The following RASGRF1 variants were observed in gnomAD, a reference collection of about 807,000 sequenced individuals.
RASGRF1 encodes the protein Ras protein specific guanine nucleotide releasing factor 1.
RASGRF1 carries 40 observed loss-of-function variants against 138.7 expected under a neutral mutation model. The ratio of observed to expected loss-of-function variants is 0.29; its 90% CI spans 0.22 to 0.38. The LOEUF is 0.38. RASGRF1 is among the 10% of genes least tolerant of loss of function. The probability of loss-of-function intolerance (pLI) is 1.00; values close to 1 mark genes in which losing one functional copy is unlikely to be tolerated. For missense variants in RASGRF1, 1,108 were observed against 1,650.4 expected, an observed-to-expected ratio of 0.67 and a Z score of 5.69; for synonymous variants, 614 against 663.2, an observed-to-expected ratio of 0.93 and a Z score of 1.14.
intron 3 of RASGRF1, among the ~76,000 whole-genome samples, chr15:79,055,298 T>C (rs1327713334): frequency 6.6e-6 from 1 of 152,104 alleles, no homozygotes; most frequent in Non-Finnish European, 1.5e-5. Context: ...TCTGTTTCCA[T>C]TCTCCTAGAG....
chr15:79,021,056 C>A (rs1161589820), intron 10 of RASGRF1, among the ~76,000 whole-genome samples: 3 of 152,132 alleles, frequency 2.0e-5, no homozygotes, highest in African/African-American at 7.2e-5. Flanking sequence ...GGAGGCATAT[C>A]ATCTTGGAAA....
intron 22 of RASGRF1, among the ~76,000 whole-genome samples, chr15:78,987,499 C>T (rs1327363243): frequency 6.6e-6 from 1 of 152,022 alleles, no homozygotes; most frequent in Non-Finnish European, 1.5e-5. Flanking sequence ...AGTTTGAGAC[C>T]AGCCTGGGCA....
rs139727235 is a variant in RASGRF1, at chr15:79,070,935, C to T, written c.277-6409G>A. 7.2e-5 allele frequency among the ~76,000 whole-genome samples: 11 copies of T among 152,232 alleles called. No homozygotes were observed. In the East Asian group the frequency reaches 1.4e-3, roughly 19 times the overall value. ...TGTTGAGGATCTGAATTGCCCATCT[C>T]GTGGGTGACTGGTGGCTGCATAGGA... On this transcript the variant is annotated intron_variant, in intron 1 of 26. Coordinates refer to ENST00000558480, the MANE Select transcript of RASGRF1 (RefSeq NM_001145648.3).
rs186247832 is a variant in RASGRF1 at position 79,081,789 on chromosome 15, C to A, written c.276+8434G>T. Among the ~76,000 whole-genome samples the A allele has an allele frequency of 2.8e-4, 43 of 152,322 alleles. No individual in the cohort carries two copies. In the East Asian group the frequency reaches 7.7e-3, roughly 27 times the overall value. On this transcript the variant is annotated intron_variant, in intron 1 of 26. Coordinates refer to ENST00000558480, the MANE Select transcript of RASGRF1 (RefSeq NM_001145648.3). ...CCTCCCAGTGCCAGGGAGGCATAGG[C>A]CTGGCCCCTCAGAGGTACTGGTAAA...
intron 4 of RASGRF1, among the ~76,000 whole-genome samples, chr15:79,049,110 T>C (rs1302532879): frequency 6.6e-6 from 1 of 151,728 alleles, no homozygotes; most frequent in Non-Finnish European, 1.5e-5. Context: ...TACATGGCAG[T>C]GGGGGTGGCA....
chr15:78,998,652 G>T, intron 18 of RASGRF1, 67 bp downstream of exon 18: 1 of 1,364,412 alleles, frequency 7.3e-7, no homozygotes, highest in Non-Finnish European at 1.0e-6. Context: ...CTTTTGGAAG[G>T]CAGCTGGTTC....
At chr15:79,031,941 G>A (rs1009942590) in intron 7 of RASGRF1, among the ~76,000 whole-genome samples, 182 bp downstream of exon 7, 20 of 152,062 alleles carry the variant, frequency 1.3e-4, no homozygotes, top group African/African-American at 4.8e-4. Context: ...AGGTGGCGTG[G>A]ACAGGCCCAC....
chr15:79,034,487 C>T (rs887995789), intron 6 of RASGRF1, among the ~76,000 whole-genome samples: 1 of 152,166 alleles, frequency 6.6e-6, no homozygotes, highest in African/African-American at 2.4e-5. Flanking sequence ...AGGAAATGAT[C>T]TCTAATATGG....
At chr15:79,014,825 G>A (rs1474545367) in intron 13 of RASGRF1, among the ~76,000 whole-genome samples, 1 of 151,882 alleles carries the variant, frequency 6.6e-6, no homozygotes, top group African/African-American at 2.4e-5. Flanking sequence ...GCTGAGGCAG[G>A]AGAATTATTT....
At chr15:79,035,066 A>G (rs1320365422) in intron 6 of RASGRF1, 65 bp downstream of exon 6, 19 of 1,412,108 alleles carry the variant, frequency 1.3e-5, no homozygotes, top group Non-Finnish European at 1.7e-5. Context: ...AAACTGCCCC[A>G]GGCTTTTGGG....
intron 1 of RASGRF1, among the ~76,000 whole-genome samples, chr15:79,080,563 T>G (rs1053852865): frequency 3.3e-5 from 5 of 152,246 alleles, no homozygotes; most frequent in African/African-American, 1.2e-4. Context: ...TCTCTAAATT[T>G]CTACATGGAG....
chr15:79,090,076 C>A (rs1162211657), intron 1 of RASGRF1, 147 bp downstream of exon 1: 2 of 1,198,368 alleles, frequency 1.7e-6, no homozygotes, highest in South Asian at 3.3e-5. Context: ...TGGGAGCAAG[C>A]CTCCCCTCTC....
At chr15:79,009,872 C>T (rs575636661) in intron 13 of RASGRF1, among the ~76,000 whole-genome samples, 1 of 149,704 alleles carries the variant, frequency 6.7e-6, no homozygotes, top group African/African-American at 2.5e-5. Flanking sequence ...TTACAGGTGC[C>T]CACCACCACA....
intron 1 of RASGRF1, among the ~76,000 whole-genome samples, chr15:79,086,180 A>G (rs142052713): frequency 6.6e-6 from 1 of 152,252 alleles, no homozygotes; most frequent in East Asian, 1.9e-4. Flanking sequence ...CGTTGTTGGC[A>G]CCATATGTAT....
At chr15:79,048,569 C>T (rs1006336944) in intron 4 of RASGRF1, among the ~76,000 whole-genome samples, 2 of 152,146 alleles carry the variant, frequency 1.3e-5, no homozygotes, top group Non-Finnish European at 2.9e-5. Context: ...TAATGTCTGG[C>T]ACATAAAAAG....
intron 9 of RASGRF1, among the ~76,000 whole-genome samples, chr15:79,026,259 T>C (rs892468756): frequency 6.6e-6 from 1 of 152,244 alleles, no homozygotes; most frequent in Non-Finnish European, 1.5e-5. Flanking sequence ...ATTGTCCCCT[T>C]CTTCTGCCTC....
At chr15:79,023,065 T>C (rs1192335967) in intron 10 of RASGRF1, among the ~76,000 whole-genome samples, 1 of 151,964 alleles carries the variant, frequency 6.6e-6, no homozygotes, top group Non-Finnish European at 1.5e-5. Context: ...TCCCAGCTAC[T>C]TGGGAGGCTG....
At chr15:78,990,462 G>T (rs567769491) in intron 21 of RASGRF1, among the ~76,000 whole-genome samples, 189 bp from the exon 22 acceptor site, 3 of 152,314 alleles carry the variant, frequency 2.0e-5, no homozygotes, top group African/African-American at 7.2e-5. Flanking sequence ...CAGCTGTGTG[G>T]CCCCAGACAA....
intron 26 of RASGRF1, among the ~76,000 whole-genome samples, chr15:78,968,250 A>ATGTGTGTGTGTGTGTGTGTGTGTGTG (rs10529968): frequency 1.1e-4 from 15 of 134,220 alleles, no homozygotes; most frequent in Admixed American, 3.0e-4. Flanking sequence ...CATGACACTG[A>ATGTGTGTGTGTGTGTGTGTGTGTGTG]TGTGTGTGTG....
Sources: allele counts gnomAD v4.1 joint callset (sites outside exome capture counted in the v4.1 genomes callset), GRCh38; gene constraint gnomAD v4.1.1; transcripts MANE v1.5; gene names NCBI Gene and HGNC (gene_info 2026-07-23, HGNC 2026-07-21).